Variants in ATP2B1 observed in about 807,000 individuals in gnomAD.
ATP2B1 encodes the protein ATPase plasma membrane Ca2+ transporting 1, also known as plasma membrane calcium-transporting ATPase 1.
In ATP2B1, 14 loss-of-function variants were observed where a neutral mutation model predicts 124.2. The observed-to-expected ratio is 0.11, with a 90% CI of 0.07 to 0.18. The LOEUF is 0.18. Ranked by LOEUF, ATP2B1 falls within the 10% of genes least tolerant of loss-of-function variation. The pLI, the probability that ATP2B1 is intolerant of heterozygous loss-of-function variation, is 1.00. For missense variants in ATP2B1, 763 were observed against 1,466.1 expected (o/e 0.52, Z 7.83); for synonymous variants, 449 against 492.4 (o/e 0.91, Z 1.17).
At chr12:89,674,165 C>T (rs759246152) in intron 1 of ATP2B1, among the ~76,000 whole-genome samples, 1 of 152,024 alleles carries the variant, frequency 6.6e-6, no homozygotes, top group Non-Finnish European at 1.5e-5. Context: ...AACTTATATT[C>T]CTTTGAAGGA....
chr12:89,595,392 AG>A (rs1273140589), intron 20 of ATP2B1, among the ~76,000 whole-genome samples: 1 of 152,090 alleles, frequency 6.6e-6, no homozygotes, highest in East Asian at 1.9e-4. Context: ...AACTGGTGTT[AG>A]AATGATATAC....
At position 89,603,830 on chromosome 12, in the gene ATP2B1, A is replaced by C. The variant is rs373673029; in HGVS notation, c.2730T>G (p.Ser910=). The change falls in exon 17 of 21, where the codon TCT becomes TCG. Residue 910 remains serine, a synonymous_variant. Transcript: ENST00000428670. This position sits in a 1 kb window ranked among gnomAD's most constrained non-coding sequence, Gnocchi z 4.3. ...TACCATAAGGTTTCCGAAGCAAGAG[A>C]GACTCAGTGGGTGGTTCCGTTGCCA... is the stretch of plus-strand genomic sequence containing the variant. ...LALATEPPTE[S]LLLRKPYGRN... The C allele has an allele frequency of 8.1e-6, 13 of 1,613,978 alleles. No homozygotes were observed. Among genetic ancestry groups the C allele is most frequent in the Non-Finnish European group, 1.1e-5 (13 of 1,180,006 alleles).
Position 89,603,977 on chromosome 12 carries a change from C to A in ATP2B1, c.2635-52G>T. ...CATTCACAACTACTCAGGGGCTCAGCAATTCTCAGGAAACCTTTAGGGTTT... is the reference window on the plus strand; with the variant it reads ...CATTCACAACTACTCAGGGGCTCAGAAATTCTCAGGAAACCTTTAGGGTTT... On this transcript the variant is annotated intron_variant, in intron 16 of 20. Coordinates refer to ENST00000428670, the MANE Select transcript of ATP2B1 (RefSeq NM_001366521.1). The surrounding 1 kb of genome is among the most constrained non-coding windows in gnomAD (Gnocchi z 4.3). The A allele has an allele frequency of 6.4e-7, 1 of 1,562,330 alleles. No homozygotes were observed. The highest frequency in any genetic ancestry group is 8.7e-7 in the Non-Finnish European group (1 of 1,146,534).
intron 2 of ATP2B1, among the ~76,000 whole-genome samples, chr12:89,654,289 G>A (rs1054046463): frequency 6.6e-6 from 1 of 152,178 alleles, no homozygotes; most frequent in African/African-American, 2.4e-5. Context: ...CATGGGAACT[G>A]TTCCTGATAC....
chr12:89,611,483 G>T, intron 12 of ATP2B1, 111 bp from the exon 13 acceptor site: 2 of 828,806 alleles, frequency 2.4e-6, no homozygotes, highest in Non-Finnish European at 3.5e-6. Flanking sequence ...TGATGACAAT[G>T]ATACAATGAC....
At chr12:89,619,618 T>TAAAAAAAA (rs367554417) in intron 11 of ATP2B1, among the ~76,000 whole-genome samples, 42 of 122,950 alleles carry the variant, frequency 3.4e-4, no homozygotes, top group East Asian at 6.6e-4. Context: ...CTTAAACAAA[T>TAAAAAAAA]AAAAAAAAAA....
chr12:89,669,020 T>C (rs1887620605), intron 1 of ATP2B1, among the ~76,000 whole-genome samples: 1 of 152,248 alleles, frequency 6.6e-6, no homozygotes, highest in Non-Finnish European at 1.5e-5. Flanking sequence ...GCTTCTATAA[T>C]CTTTTTGAGC....
chr12:89,656,471 C>A (rs1203802931), intron 1 of ATP2B1, among the ~76,000 whole-genome samples: 1 of 152,186 alleles, frequency 6.6e-6, no homozygotes, highest in Non-Finnish European at 1.5e-5. Context: ...ACTCCTTCTT[C>A]TTCTAGTGAT....
At chr12:89,640,301 C>T (rs1354873101) in intron 3 of ATP2B1, among the ~76,000 whole-genome samples, 1 of 152,132 alleles carries the variant, frequency 6.6e-6, no homozygotes, top group Non-Finnish European at 1.5e-5. Context: ...TTTAGCTCAA[C>T]AGTGACAAGA....
intron 15 of ATP2B1, among the ~76,000 whole-genome samples, chr12:89,607,904 G>A (rs1040387594): frequency 2.0e-5 from 3 of 152,188 alleles, no homozygotes; most frequent in East Asian, 1.9e-4. Context: ...AGGGCCAAAT[G>A]TACAAGCAGA....
At position 89,620,571 on chromosome 12, in the gene ATP2B1, A is replaced by AAT. The variant is rs148813120; in HGVS notation, c.1588-333_1588-332dup. Among the ~76,000 whole-genome samples the AAT allele has an allele frequency of 2.5e-3, 374 of 152,302 alleles. 1 individual carries two copies. Among genetic ancestry groups the AAT allele is most frequent in the African/African-American group, 8.5e-3 (353 of 41,578 alleles). On this transcript the variant is annotated intron_variant, in intron 10 of 20. Transcript: ENST00000428670. ...TGTATGAAGTTTATAGTTGGTTCCT[A>AAT]ATACAGAGTGGAACTTAATTTTAAT...
intron 1 of ATP2B1, among the ~76,000 whole-genome samples, chr12:89,683,260 T>C (rs977668463): frequency 2.0e-5 from 3 of 152,152 alleles, no homozygotes; most frequent in Non-Finnish European, 4.4e-5. Context: ...CAATTTTTCT[T>C]TTACACAGCC....
intron 1 of ATP2B1, among the ~76,000 whole-genome samples, chr12:89,694,930 G>A (rs1385351482): frequency 6.6e-6 from 1 of 151,862 alleles, no homozygotes. Flanking sequence ...GGTGGCACAT[G>A]CCTATAGTCC....
intron 1 of ATP2B1, among the ~76,000 whole-genome samples, chr12:89,681,172 T>C (rs977932650): frequency 6.6e-6 from 1 of 152,122 alleles, no homozygotes; most frequent in African/African-American, 2.4e-5. Flanking sequence ...GCATATGTTA[T>C]ACACATGCTG....
intron 20 of ATP2B1, chr12:89,594,502 G>A (rs1329967804): frequency 1.3e-5 from 2 of 151,100 alleles, no homozygotes; most frequent in Non-Finnish European, 3.0e-5. Context: ...ACTCTGTGGA[G>A]CATACTTATA....
At chr12:89,677,971 T>TATATATATATATATATATACACACACAC (rs1461216851) in intron 1 of ATP2B1, among the ~76,000 whole-genome samples, 15 of 52,292 alleles carry the variant, frequency 2.9e-4, no homozygotes, top group Non-Finnish European at 2.8e-4. Flanking sequence ...TATATATATA[T>TATATATATATATATATATACACACACAC]ACACACACAC....
chr12:89,642,436 C>G, intron 2 of ATP2B1, 81 bp from the exon 3 acceptor site: 1 of 1,307,348 alleles, frequency 7.6e-7, no homozygotes, highest in Non-Finnish European at 1.1e-6. Flanking sequence ...AATACCTCAA[C>G]TCATCACTCT....
At chr12:89,678,991 CTA>C (rs1889019940) in intron 1 of ATP2B1, among the ~76,000 whole-genome samples, 2 of 152,042 alleles carry the variant, frequency 1.3e-5, no homozygotes, top group South Asian at 2.1e-4. Context: ...ATTGTTACTT[CTA>C]TGTTTTCTAG....
At chr12:89,591,356 C>A in intron 20 of ATP2B1, 61 bp from the exon 21 acceptor site, 1 of 1,443,712 alleles carries the variant, frequency 6.9e-7, no homozygotes, top group South Asian at 1.3e-5. Flanking sequence ...AAAAATGGTT[C>A]ATTTATGAGT....
Sources: allele counts gnomAD v4.1 joint callset (sites outside exome capture counted in the v4.1 genomes callset), GRCh38; gene constraint gnomAD v4.1.1; non-coding constraint Gnocchi (gnomAD v3.1); transcripts MANE v1.5; gene names NCBI Gene and HGNC (gene_info 2026-07-23, HGNC 2026-07-21).